SPAG16: variants seen among roughly 807,000 people sequenced by gnomAD.
The protein encoded by SPAG16 is sperm-associated antigen 16 protein.
SPAG16 carries 86 observed loss-of-function variants against 80.4 expected under a neutral mutation model. The observed-to-expected ratio is 1.07, with a 90% CI of 0.90 to 1.28. The LOEUF (loss-of-function observed/expected upper bound fraction) is 1.28. SPAG16 is among the 50% of genes most tolerant of loss of function. SPAG16 has a pLI of 0.00. For missense variants in SPAG16, 870 were observed against 765.3 expected (o/e 1.14, Z -1.61); for synonymous variants, 294 against 265.9 (o/e 1.11, Z -1.03).
At chr2:214,200,047 C>G (rs530409299) in intron 15 of SPAG16, among the ~76,000 whole-genome samples, 1 of 152,198 alleles carries the variant, frequency 6.6e-6, no homozygotes, top group South Asian at 2.1e-4. Context: ...CATTAGCAAA[C>G]AGCAACAGTT....
intron 15 of SPAG16, among the ~76,000 whole-genome samples, chr2:214,216,309 A>G (rs531369866): frequency 6.6e-6 from 1 of 151,608 alleles, no homozygotes; most frequent in African/African-American, 2.4e-5. Context: ...AAATGCTGTG[A>G]TGATGATGAT....
At chr2:213,920,845 TC>T (rs1443083409) in intron 11 of SPAG16, among the ~76,000 whole-genome samples, 1 of 152,172 alleles carries the variant, frequency 6.6e-6, no homozygotes, top group Non-Finnish European at 1.5e-5. Context: ...AGGCACCAAA[TC>T]CTTTTGGCTC....
intron 15 of SPAG16, among the ~76,000 whole-genome samples, chr2:214,181,456 A>G (rs1482506724): frequency 6.6e-6 from 1 of 151,754 alleles, no homozygotes; most frequent in Non-Finnish European, 1.5e-5. Flanking sequence ...TTCCTATCTT[A>G]TAAGCAGTCC....
intron 10 of SPAG16, among the ~76,000 whole-genome samples, chr2:213,624,963 G>C (rs1370737103): frequency 6.6e-6 from 1 of 152,004 alleles, no homozygotes; most frequent in Non-Finnish European, 1.5e-5. Context: ...GCTAATTTTT[G>C]TATTTTTAGT....
chr2:213,713,504 C>G (rs1243872975), intron 10 of SPAG16, among the ~76,000 whole-genome samples: 2 of 152,148 alleles, frequency 1.3e-5, no homozygotes, highest in African/African-American at 4.8e-5. Flanking sequence ...GGAGGATTCT[C>G]TGAAGAAGTC....
At chr2:214,194,390 A>C (rs1471472043) in intron 15 of SPAG16, among the ~76,000 whole-genome samples, 1 of 152,024 alleles carries the variant, frequency 6.6e-6, no homozygotes, top group East Asian at 1.9e-4. Flanking sequence ...CTTTTACTTT[A>C]CAAACTATTC....
chr2:213,632,154 G>A (rs1034241250), intron 10 of SPAG16, among the ~76,000 whole-genome samples: 3 of 151,814 alleles, frequency 2.0e-5, no homozygotes, highest in African/African-American at 7.3e-5. Context: ...TTTTCAATTT[G>A]TTTCATCAGT....
At chr2:214,121,439 C>T (rs915799349) in intron 14 of SPAG16, among the ~76,000 whole-genome samples, 1 of 151,778 alleles carries the variant, frequency 6.6e-6, no homozygotes, top group Non-Finnish European at 1.5e-5. Context: ...TACAATTGTC[C>T]AATTTCAGTT....
At chr2:213,753,955 C>G (rs908306398) in intron 10 of SPAG16, among the ~76,000 whole-genome samples, 1 of 152,178 alleles carries the variant, frequency 6.6e-6, no homozygotes, top group Non-Finnish European at 1.5e-5. Flanking sequence ...GTTGCATGTT[C>G]AGCAAGCCGT....
At chr2:214,042,180 G>GGTTC (rs542767002) in intron 13 of SPAG16, among the ~76,000 whole-genome samples, 13 of 150,536 alleles carry the variant, frequency 8.6e-5, no homozygotes, top group Non-Finnish European at 1.9e-4. Context: ...CTATCTCCTG[G>GGTTC]GTTCGTGGGT....
chr2:213,931,605 G>T (rs1304743091), intron 12 of SPAG16, among the ~76,000 whole-genome samples: 2 of 152,058 alleles, frequency 1.3e-5, no homozygotes, highest in South Asian at 2.1e-4. Context: ...ACTACCCAGG[G>T]TGTTTAAAAG....
chr2:213,459,411 G>T (rs2072229788), intron 9 of SPAG16, among the ~76,000 whole-genome samples: 1 of 152,190 alleles, frequency 6.6e-6, no homozygotes, highest in African/African-American at 2.4e-5. Flanking sequence ...ACATCTTGCA[G>T]GCAACTGTGC....
At chr2:213,855,789 G>C (rs924910327) in intron 10 of SPAG16, among the ~76,000 whole-genome samples, 6 of 152,064 alleles carry the variant, frequency 3.9e-5, no homozygotes, top group Non-Finnish European at 8.8e-5. Context: ...CAACATGGGG[G>C]AAACCACCCC....
At chr2:214,385,854 A>G (rs1700718467) in intron 15 of SPAG16, among the ~76,000 whole-genome samples, 1 of 152,144 alleles carries the variant, frequency 6.6e-6, no homozygotes, top group African/African-American at 2.4e-5. Context: ...AAAATATAAT[A>G]AATGAACAAC....
chr2:213,510,754 G>A (rs1268929051), intron 10 of SPAG16, among the ~76,000 whole-genome samples: 2 of 152,136 alleles, frequency 1.3e-5, no homozygotes, highest in South Asian at 2.1e-4. Flanking sequence ...TTACTGAACT[G>A]TGAGTGGATT....
chr2:213,410,484 T>A (rs1305687249), intron 9 of SPAG16, among the ~76,000 whole-genome samples: 1 of 152,184 alleles, frequency 6.6e-6, no homozygotes, highest in South Asian at 2.1e-4. Flanking sequence ...GCCCCCGATG[T>A]AGAGCTTTTA....
chr2:214,375,416 C>A (rs1458949607), intron 15 of SPAG16, among the ~76,000 whole-genome samples: 1 of 152,122 alleles, frequency 6.6e-6, no homozygotes, highest in Non-Finnish European at 1.5e-5. Flanking sequence ...CCTTGGCCTT[C>A]AAATTCTCAG....
chr2:213,861,139 T>A (rs1575386984), intron 10 of SPAG16, among the ~76,000 whole-genome samples: 1 of 152,122 alleles, frequency 6.6e-6, no homozygotes, highest in East Asian at 1.9e-4. Flanking sequence ...TGGAGAAAAA[T>A]GAAACAATGT....
intron 10 of SPAG16, among the ~76,000 whole-genome samples, chr2:213,518,785 T>C (rs2075545478): frequency 6.6e-6 from 1 of 152,210 alleles, no homozygotes; most frequent in Non-Finnish European, 1.5e-5. Context: ...TGTTAATTGC[T>C]GCACTATTCA....
Sources: allele counts gnomAD v4.1 joint callset (sites outside exome capture counted in the v4.1 genomes callset), GRCh38; gene constraint gnomAD v4.1.1; transcripts MANE v1.5; gene names NCBI Gene and HGNC (gene_info 2026-07-23, HGNC 2026-07-21).